OCA2: variants seen among roughly 807,000 people sequenced by gnomAD.
OCA2 encodes the protein OCA2 melanosomal transmembrane protein.
A neutral mutation model predicts 100.2 loss-of-function variants in OCA2; 77 were observed. The observed-to-expected ratio is 0.77, with a 90% CI of 0.64 to 0.93. The LOEUF is 0.93. Among genes scored for constraint, OCA2 ranks in the 40% least tolerant of loss-of-function variants. The pLI is 0.00. For synonymous variants in OCA2, 432 were observed against 439.2 expected, an observed-to-expected ratio of 0.98 and a Z score of 0.21; for missense variants, 1,062 against 1,089.1, an observed-to-expected ratio of 0.98 and a Z score of 0.35.
rs182127556 is a variant in OCA2, at chr15:28,084,834, G to A, written c.-21-2939C>T. On this transcript the variant is annotated intron_variant, in intron 1 of 23. Coordinates refer to ENST00000354638, the MANE Select transcript of OCA2 (RefSeq NM_000275.3). ...CAGGCTCCTGCATCCTCACCATGTG[G>A]GCTCCTCCAGTATGTTGGCTTGCCT... 3.1e-3 allele frequency among the ~76,000 whole-genome samples: 467 copies of A among 152,354 alleles called. 1 individual carries two copies. The highest frequency in any genetic ancestry group is 5.0e-3 in the Non-Finnish European group (340 of 68,032).
At chr15:28,092,871 C>G (rs2044893839) in intron 1 of OCA2, among the ~76,000 whole-genome samples, 1 of 152,104 alleles carries the variant, frequency 6.6e-6, no homozygotes, top group African/African-American at 2.4e-5. Flanking sequence ...TATTAAAGAA[C>G]ATCTGCAAAA....
chr15:27,933,566 C>A (rs1352179900), intron 18 of OCA2, among the ~76,000 whole-genome samples: 1 of 152,138 alleles, frequency 6.6e-6, no homozygotes, highest in Non-Finnish European at 1.5e-5. Context: ...AAAAGAGAGT[C>A]AGCGAAGGGA....
intron 2 of OCA2, among the ~76,000 whole-genome samples, chr15:28,036,494 GCAGATC>G (rs1452395943): frequency 2.0e-5 from 3 of 152,030 alleles, no homozygotes. Flanking sequence ...TGGATCTGAG[GCAGATC>G]CACCATTGTC....
chr15:27,954,774 T>C (rs538654715), intron 17 of OCA2, among the ~76,000 whole-genome samples: 117 of 151,990 alleles, frequency 7.7e-4, no homozygotes, highest in African/African-American at 2.6e-3. Context: ...ACGCATCCTA[T>C]GTCTGCCCCT....
chr15:28,022,781 T>C (rs1005588640), intron 5 of OCA2, among the ~76,000 whole-genome samples: 15 of 152,204 alleles, frequency 9.9e-5, no homozygotes, highest in Non-Finnish European at 1.6e-4. Flanking sequence ...TGATTATTGA[T>C]ACCTGCCAAA....
chr15:27,938,634 C>A (rs890095731), intron 18 of OCA2, among the ~76,000 whole-genome samples: 1 of 152,154 alleles, frequency 6.6e-6, no homozygotes. Context: ...ATGAAGACCT[C>A]TAATGAGAAC....
chr15:28,032,658 G>C (rs1484437135), intron 2 of OCA2, among the ~76,000 whole-genome samples: 1 of 151,742 alleles, frequency 6.6e-6, no homozygotes, highest in Non-Finnish European at 1.5e-5. Context: ...GCCAGGCATA[G>C]TGGTGGGTGC....
Position 27,755,487 on chromosome 15 carries a change from GA to G in OCA2, c.2433-16del. Reference sequence around the variant, plus strand: ...GGAAGCCCAGCCTGAAATACAAAGAGAAATGAGTTATGGCATCTGAAATCTG... The same window carrying G: ...GGAAGCCCAGCCTGAAATACAAAGAGAATGAGTTATGGCATCTGAAATCTG... On this transcript the variant is annotated splice_polypyrimidine_tract_variant and intron_variant, in intron 23 of 23. Transcript: ENST00000354638. The G allele has an allele frequency of 6.2e-7, 1 of 1,600,878 alleles. No homozygotes were observed.
intron 2 of OCA2, among the ~76,000 whole-genome samples, chr15:28,078,058 G>A (rs72714107): frequency 0.062 from 9,389 of 152,314 alleles, 345 homozygotes; most frequent in Middle Eastern, 0.1. Context: ...CAGCCTGGGT[G>A]ACAACGTTGA....
chr15:27,862,628 C>T (rs1014177792), intron 21 of OCA2, among the ~76,000 whole-genome samples: 1 of 152,142 alleles, frequency 6.6e-6, no homozygotes, highest in Non-Finnish European at 1.5e-5. Flanking sequence ...GTGTGTGCCA[C>T]TATGCCCAGC....
chr15:28,061,342 A>G (rs891953962), intron 2 of OCA2, among the ~76,000 whole-genome samples: 1 of 152,342 alleles, frequency 6.6e-6, no homozygotes, highest in Middle Eastern at 3.4e-3. Flanking sequence ...CAGAGAATTC[A>G]CTGGCCATAC....
intron 14 of OCA2, among the ~76,000 whole-genome samples, chr15:27,967,352 G>A (rs1308964135): frequency 3.3e-5 from 5 of 152,036 alleles, no homozygotes; most frequent in African/African-American, 1.2e-4. Context: ...CTTTCATGTC[G>A]AAAACCAAAA....
At chr15:28,054,646 A>G (rs2043631276) in intron 2 of OCA2, among the ~76,000 whole-genome samples, 1 of 151,992 alleles carries the variant, frequency 6.6e-6, no homozygotes, top group South Asian at 2.1e-4. Context: ...TTTTTCTAGT[A>G]CTCTTACATT....
At chr15:27,994,591 A>G (rs1253681794) in intron 9 of OCA2, among the ~76,000 whole-genome samples, 2 of 152,128 alleles carry the variant, frequency 1.3e-5, no homozygotes, top group Non-Finnish European at 2.9e-5. Context: ...TGTGCCTATG[A>G]GTTTCTTTGG....
At chr15:27,983,506 A>G in intron 13 of OCA2, 23 bp from the exon 14 acceptor site, 1 of 1,613,898 alleles carries the variant, frequency 6.2e-7, no homozygotes, top group Non-Finnish European at 8.5e-7. Context: ...GAGGAAAATG[A>G]AAGTAGTCCC....
At chr15:27,722,780 T>TCTCTCTCTC in the OCA2 span, among the ~76,000 whole-genome samples, 5 of 134,210 alleles carry the variant, frequency 3.7e-5, no homozygotes, top group South Asian at 2.5e-4. Flanking sequence ...TTTTCTTTCT[T>TCTCTCTCTC]TCTCTCTCTC....
chr15:27,771,450 G>C (rs890193160), intron 23 of OCA2, among the ~76,000 whole-genome samples: 1 of 151,186 alleles, frequency 6.6e-6, no homozygotes, highest in Non-Finnish European at 1.5e-5. Context: ...CGTGTGCTCC[G>C]CAGAGGCGTG....
chr15:27,816,691 G>A (rs562747466), intron 23 of OCA2, among the ~76,000 whole-genome samples: 6 of 152,078 alleles, frequency 3.9e-5, no homozygotes, highest in Non-Finnish European at 7.3e-5. Context: ...CCAGGATGAC[G>A]ATACCCTACA....
At chr15:27,802,025 GA>G (rs2033636761) in intron 23 of OCA2, among the ~76,000 whole-genome samples, 1 of 152,080 alleles carries the variant, frequency 6.6e-6, no homozygotes, top group Non-Finnish European at 1.5e-5. Context: ...TAGAAAGGAT[GA>G]AAGAAATCTC....
Sources: gnomAD v4.1 joint callset for allele counts (sites outside exome capture counted in the v4.1 genomes callset) on GRCh38, gnomAD v4.1.1 for gene constraint, MANE v1.5 for transcripts, NCBI Gene and HGNC (gene_info 2026-07-23, HGNC 2026-07-21) for gene names.